The following ABCF1 variants were observed in gnomAD, a reference collection of about 807,000 sequenced individuals.
The protein encoded by ABCF1 is ATP-binding cassette sub-family F member 1.
ABCF1 carries 73 observed loss-of-function variants against 126.3 expected under a neutral mutation model. The ratio of observed to expected loss-of-function variants is 0.58; its 90% CI spans 0.48 to 0.70. The LOEUF (loss-of-function observed/expected upper bound fraction) is 0.70. Ranked by LOEUF, ABCF1 falls within the 30% of genes least tolerant of loss-of-function variation. The pLI, the probability that ABCF1 is intolerant of heterozygous loss-of-function variation, is 0.00. For missense variants in ABCF1, 786 were observed against 1,057.5 expected (o/e 0.74, Z 3.56); for synonymous variants, 345 against 396.4 (o/e 0.87, Z 1.54).
rs745926971 is a variant in ABCF1, at chr6:30,590,586, A to C, written c.2423A>C (p.Gln808Pro). The change falls in exon 25 of 25, where the codon CAG (glutamine) becomes CCG (proline). Residue 808 changes from glutamine (Q) to proline (P), a missense_variant. Around this residue, in one of 4 missense-constraint regions of ABCF1, gnomAD observed 288 missense variants for 423.5 expected, o/e 0.68. Coordinates refer to ENST00000326195, the MANE Select transcript of ABCF1 (RefSeq NM_001025091.2). ...CGACTCATCACAGAAACCAATTGCCAGCTGTGGGTGGTGGAGGAGCAGAGT... is the reference window on the plus strand; with the variant it reads ...CGACTCATCACAGAAACCAATTGCCCGCTGTGGGTGGTGGAGGAGCAGAGT... Reference protein sequence around the residue: ...DARLITETNCQLWVVEEQSVS... With the variant: ...DARLITETNCPLWVVEEQSVS... 6.2e-7 allele frequency: 1 copy of C among 1,612,948 alleles called. No homozygotes were observed.
intron 23 of ABCF1, 35 bp downstream of exon 23, chr6:30,590,248 GT>G (rs1367940267): frequency 6.2e-7 from 1 of 1,612,978 alleles, no homozygotes; most frequent in Non-Finnish European, 8.5e-7. Context: ...AGGGATAAGG[GT>G]AACAGTAATG....
rs754512420 is a variant in ABCF1, at chr6:30,586,273, C to G, written c.1853C>G (p.Pro618Arg). The G allele has an allele frequency of 1.2e-6, 2 of 1,611,994 alleles. No homozygotes were observed. Among genetic ancestry groups the G allele is most frequent in the Admixed American group, 1.7e-5 (1 of 59,564 alleles). ...GTGCGCTTCACTTTTCCAGACCCCC[C>G]ACCACTCAGCCCTCCAGTGCTGGGT... ...YTVRFTFPDP[P>R]PLSPPVLGLH... Residue 618 changes from proline to arginine, a missense_variant, in exon 18 of 25, where the codon CCA becomes CGA. Around this residue, in one of 4 missense-constraint regions of ABCF1, gnomAD observed 288 missense variants for 423.5 expected, o/e 0.68. Coordinates refer to ENST00000326195, the MANE Select transcript of ABCF1 (RefSeq NM_001025091.2). The surrounding 1 kb of genome is among the most constrained non-coding windows in gnomAD (Gnocchi z 4.9).
intron 1 of ABCF1, among the ~76,000 whole-genome samples, chr6:30,573,323 A>G (rs1412770120): frequency 2.0e-5 from 3 of 152,250 alleles, no homozygotes; most frequent in African/African-American, 7.2e-5. Context: ...GAGAGTAAGA[A>G]GTGGAAAGAG....
Position 30,584,096 on chromosome 6 carries a change from G to A in ABCF1, c.1103-96G>A, listed in dbSNP as rs950764959. On this transcript the variant is annotated intron_variant, in intron 12 of 24. Transcript: ENST00000326195. The surrounding 1 kb of genome is among the most constrained non-coding windows in gnomAD (Gnocchi z 4.6). ...TATTTGGAACAAGTACAAAGAGCTG[G>A]GCAGGGTCAGGCAAAACAGAAATGT... 2.6e-6 allele frequency: 4 copies of A among 1,518,542 alleles called. No individual in the cohort carries two copies. In the African/African-American group the frequency reaches 5.5e-5, roughly 21 times the overall value. The allele number at this position is 1,518,542 out of a possible 1,614,324, so 94.1% of individuals were successfully genotyped here. A position where few individuals can be genotyped will look rare whatever the true frequency, so the allele number is the denominator to read the frequency against.
Position 30,578,454 on chromosome 6 carries a change from C to T in ABCF1, c.382-16C>T. The T allele has an allele frequency of 6.2e-7, 1 of 1,613,980 alleles. No individual in the cohort carries two copies. The highest frequency in any genetic ancestry group is 8.5e-7 in the Non-Finnish European group (1 of 1,179,946). ...TTGACCATCCTACTGACTTCTGTGG[C>T]CCTTTCATTCTCTAGGGTGGTAATG... is the stretch of plus-strand genomic sequence containing the variant. On this transcript the variant is annotated splice_polypyrimidine_tract_variant and intron_variant, in intron 5 of 24. Coordinates refer to ENST00000326195, the MANE Select transcript of ABCF1 (RefSeq NM_001025091.2).
Position 30,586,711 on chromosome 6 carries a change from G to A in ABCF1, c.2031G>A (p.Pro677=), listed in dbSNP as rs757127378. 3.5e-5 allele frequency: 56 copies of A among 1,613,724 alleles called. No homozygotes were observed. In the South Asian group the frequency reaches 3.8e-4, roughly 11 times the overall value. The change falls in exon 20 of 25, where the codon CCG becomes CCA. Residue 677 remains proline (P), a splice_region_variant and synonymous_variant. Transcript: ENST00000326195. The surrounding 1 kb of genome is among the most constrained non-coding windows in gnomAD (Gnocchi z 4.9). ...TGCTGCTGACTGGCAAGCTGACACC[G>A]GTGAGTCCTGGAGCCAAGGAGGGAG... ...LLLLLTGKLT[P]THGEMRKNHR... is the part of the protein sequence containing the mutation.
intron 1 of ABCF1, among the ~76,000 whole-genome samples, chr6:30,571,866 C>A (rs1247546013): frequency 6.6e-6 from 1 of 152,042 alleles, no homozygotes; most frequent in Non-Finnish European, 1.5e-5. Context: ...TGGACATCCG[C>A]CCCACCATAC....
In ABCF1 at chr6:30,578,539, C is replaced by A; in HGVS notation, c.451C>A (p.Pro151Thr). The A allele has an allele frequency of 6.2e-7, 1 of 1,613,730 alleles. No homozygotes were observed. The highest frequency in any genetic ancestry group is 8.5e-7 in the Non-Finnish European group (1 of 1,179,946). ...AGAGGAGGAGGAAGAAAAACATCCT[C>A]CTAAGCCTGCCAAGCCGGAGAAGAA... Reference protein sequence around the residue: ...EEEEEEEKHPPKPAKPEKNRI... With the variant: ...EEEEEEEKHPTKPAKPEKNRI... Residue 151 changes from proline to threonine, a missense_variant, in exon 6 of 25, where the codon CCT becomes ACT. Pro to Thr is a conservative substitution (Grantham distance 38). Around this residue, in one of 4 missense-constraint regions of ABCF1, gnomAD observed 322 missense variants for 322.9 expected, o/e 1.00. Coordinates refer to ENST00000326195, the MANE Select transcript of ABCF1 (RefSeq NM_001025091.2).
chr6:30,578,094 A>G lies in ABCF1; in HGVS notation c.235A>G (p.Thr79Ala), dbSNP rs1216057434. The change falls in exon 4 of 25, where the codon ACC (threonine) becomes GCC (alanine). Residue 79 changes from threonine (T) to alanine (A), a missense_variant. Physicochemically the swap from Thr to Ala is moderately conservative, Grantham distance 58 (BLOSUM62 0). Coordinates refer to ENST00000326195, the MANE Select transcript of ABCF1 (RefSeq NM_001025091.2). ...QQQQQKKKRD[T>A]RKGRRKKDVD... is the part of the protein sequence containing the mutation. Reference sequence around the variant, plus strand: ...TCAGCAGCAAAAAAAAAAGCGAGATACCCGAAAAGGCAGGCGGAAGAAGGA... The same window carrying G: ...TCAGCAGCAAAAAAAAAAGCGAGATGCCCGAAAAGGCAGGCGGAAGAAGGA... 3 of 1,613,964 alleles carry G rather than the reference A, an allele frequency of 1.9e-6. No homozygotes were observed. The highest frequency in any genetic ancestry group is 2.5e-6 in the Non-Finnish European group (3 of 1,180,010).
At chr6:30,585,476 A>C (rs1400258532) in intron 15 of ABCF1, 82 bp from the exon 16 acceptor site, 1 of 1,591,634 alleles carries the variant, frequency 6.3e-7, no homozygotes, top group African/African-American at 1.4e-5. Context: ...TTTCCCTCCC[A>C]GCCCCCGTTG....
At chr6:30,577,331 A>G in intron 1 of ABCF1, 78 bp from the exon 2 acceptor site, 5 of 1,353,792 alleles carry the variant, frequency 3.7e-6, no homozygotes, top group Non-Finnish European at 5.2e-6. Context: ...GATAGAGGCT[A>G]CAGAGATCTT....
chr6:30,587,634 TAA>T (rs879825798), intron 20 of ABCF1, among the ~76,000 whole-genome samples: 2 of 138,384 alleles, frequency 1.4e-5, no homozygotes. Flanking sequence ...AAACTCCGTC[TAA>T]AAAAAAAAAA....
intron 1 of ABCF1, among the ~76,000 whole-genome samples, chr6:30,575,133 G>A (rs953342494): frequency 2.0e-5 from 3 of 148,276 alleles, no homozygotes; most frequent in Non-Finnish European, 3.0e-5. Flanking sequence ...GCAGTGGCGC[G>A]ATCTTGGCTC....
intron 16 of ABCF1, 36 bp from the exon 17 acceptor site, chr6:30,585,843 G>A (rs1428804381): frequency 6.4e-7 from 1 of 1,572,932 alleles, no homozygotes. Flanking sequence ...GGGAAGAGGA[G>A]CAACCACTGA....
chr6:30,583,506 CA>C lies in ABCF1; in HGVS notation c.916-101del. 2 of 1,267,652 alleles carry C rather than the reference CA, an allele frequency of 1.6e-6. No individual in the cohort carries two copies. Among genetic ancestry groups the C allele is most frequent in the Non-Finnish European group, 2.3e-6 (2 of 880,454 alleles). The allele number at this position is 1,267,652 out of a possible 1,614,324, so 78.5% of individuals were successfully genotyped here. A position where few individuals can be genotyped will look rare whatever the true frequency, so the allele number is the denominator to read the frequency against. On this transcript the variant is annotated intron_variant, in intron 10 of 24. Coordinates refer to ENST00000326195, the MANE Select transcript of ABCF1 (RefSeq NM_001025091.2). This position sits in a 1 kb window ranked among gnomAD's most constrained non-coding sequence, Gnocchi z 4.1. ...GATTATGCTGGAGGTAGCGGTTTGT[CA>C]GAGGCTTCCCTGCAGGGAGAAAGTG...
In ABCF1 at chr6:30,590,839, C is replaced by T. The variant is rs968149977; in HGVS notation, c.*138C>T. 1.1e-6 allele frequency: 1 copy of T among 896,672 alleles called. No individual in the cohort carries two copies. Among genetic ancestry groups the T allele is most frequent in the Non-Finnish European group, 1.7e-6 (1 of 598,382 alleles). 55.5% of individuals were successfully genotyped at this position (896,672 alleles called of 1,614,324 possible). ...CAGGCACATGAAGGTGGAGTGTGAC[C>T]TTGATGTGACCGGGATCCCACTCTG... is the stretch of plus-strand genomic sequence containing the variant. On this transcript the variant is annotated 3_prime_UTR_variant, in exon 25 of 25. Transcript: ENST00000326195.
rs1335691275 is a variant in ABCF1 at position 30,577,438 on chromosome 6, A to C, written c.103A>C (p.Lys35Gln). 1 of 1,613,902 alleles carries C rather than the reference A, an allele frequency of 6.2e-7. No homozygotes were observed. ...DKVVKKGKKD[K>Q]KIKKTFFEEL... ...AGTGGTGAAGAAAGGGAAGAAGGAC[A>C]AGAAGATCAAAAAAACGGTGAGAAA... is the stretch of plus-strand genomic sequence containing the variant. The change falls in exon 2 of 25, where the codon AAG becomes CAG. Residue 35 changes from lysine to glutamine, a missense_variant. Lys to Gln is a moderately conservative substitution (Grantham distance 53, BLOSUM62 1). Coordinates refer to ENST00000326195, the MANE Select transcript of ABCF1 (RefSeq NM_001025091.2).
At position 30,582,939 on chromosome 6, in the gene ABCF1, T is replaced by A. The variant is rs1456453876; in HGVS notation, c.793-127T>A. 8 of 1,242,690 alleles carry A rather than the reference T, an allele frequency of 6.4e-6. No individual in the cohort carries two copies. The Admixed American group carries it at 1.9e-4, about 29-fold the overall frequency. The allele number at this position is 1,242,690 out of a possible 1,614,324, so 77.0% of individuals were successfully genotyped here. ...AACTCCTGAGCTCAAGAGATCCACCTACCTCAGCCTCCCAGAGTGCTGGGA... is the reference window on the plus strand; with the variant it reads ...AACTCCTGAGCTCAAGAGATCCACCAACCTCAGCCTCCCAGAGTGCTGGGA... On this transcript the variant is annotated intron_variant, in intron 9 of 24. Transcript: ENST00000326195.
intron 1 of ABCF1, among the ~76,000 whole-genome samples, chr6:30,572,683 T>A (rs537757941): frequency 6.6e-6 from 1 of 152,288 alleles, no homozygotes. Flanking sequence ...AAATTTTTTG[T>A]AGACACAAGA....
Sources: allele counts gnomAD v4.1 joint callset (sites outside exome capture counted in the v4.1 genomes callset), GRCh38; gene constraint gnomAD v4.1.1; regional missense constraint gnomAD v4.1.1; non-coding constraint Gnocchi (gnomAD v3.1); transcripts MANE v1.5; gene names NCBI Gene and HGNC (gene_info 2026-07-23, HGNC 2026-07-21).